The following SAMD4A variants were observed in gnomAD, a reference collection of about 807,000 sequenced individuals.
SAMD4A encodes protein Smaug homolog 1.
A neutral mutation model predicts 81.3 loss-of-function variants in SAMD4A; 33 were observed. The observed-to-expected ratio is 0.41, with a 90% CI of 0.31 to 0.54. SAMD4A has a LOEUF of 0.54. SAMD4A is among the 20% of genes least tolerant of loss of function. SAMD4A has a pLI of 0.37. For synonymous variants in SAMD4A, 389 were observed against 382.1 expected, an observed-to-expected ratio of 1.02 and a Z score of -0.21; for missense variants, 854 against 951.1, an observed-to-expected ratio of 0.90 and a Z score of 1.34.
intron 2 of SAMD4A, among the ~76,000 whole-genome samples, chr14:54,684,444 A>G (rs1219354198): frequency 6.6e-6 from 1 of 152,222 alleles, no homozygotes; most frequent in Non-Finnish European, 1.5e-5. Flanking sequence ...GGGTGAGCCC[A>G]TTGTGGTGCC....
At chr14:54,672,893 G>A (rs1019864758) in intron 2 of SAMD4A, among the ~76,000 whole-genome samples, 8 of 152,222 alleles carry the variant, frequency 5.3e-5, no homozygotes, top group African/African-American at 1.9e-4. Context: ...GACTAAGAGT[G>A]AAATATCACC....
chr14:54,778,569 A>C (rs953173521), intron 11 of SAMD4A, among the ~76,000 whole-genome samples: 2 of 152,202 alleles, frequency 1.3e-5, no homozygotes, highest in African/African-American at 4.8e-5. Context: ...GCAAGTCTCT[A>C]AATAATATGC....
chr14:54,634,111 C>T (rs1356910710), intron 2 of SAMD4A, among the ~76,000 whole-genome samples: 3 of 151,984 alleles, frequency 2.0e-5, no homozygotes, highest in African/African-American at 7.3e-5. Context: ...GATGGTGAAA[C>T]CCTGTCTGTA....
intron 2 of SAMD4A, among the ~76,000 whole-genome samples, chr14:54,672,003 C>G (rs923059189): frequency 3.6e-5 from 5 of 138,714 alleles, no homozygotes; most frequent in Non-Finnish European, 7.6e-5. Context: ...TCTACTGCTT[C>G]CTTTTCTGTT....
chr14:54,570,185 T>G (rs2033088646), intron 2 of SAMD4A, among the ~76,000 whole-genome samples: 1 of 152,198 alleles, frequency 6.6e-6, no homozygotes, highest in South Asian at 2.1e-4. Flanking sequence ...TTTTGTTGTG[T>G]GGCCAGGACA....
chr14:54,722,661 A>C (rs2037292403), intron 3 of SAMD4A, among the ~76,000 whole-genome samples: 1 of 152,188 alleles, frequency 6.6e-6, no homozygotes, highest in African/African-American at 2.4e-5. Context: ...TGATTCCTTA[A>C]CTGATAAAAT....
intron 2 of SAMD4A, among the ~76,000 whole-genome samples, chr14:54,658,204 G>A (rs2358887): frequency 0.37 from 55,828 of 152,012 alleles, 11,190 homozygotes; most frequent in Non-Finnish European, 0.44. Flanking sequence ...CCAGCTACTC[G>A]GGAGGCTGAG....
intron 2 of SAMD4A, among the ~76,000 whole-genome samples, chr14:54,643,210 G>C (rs923834753): frequency 6.6e-6 from 1 of 152,162 alleles, no homozygotes; most frequent in Non-Finnish European, 1.5e-5. Context: ...ATCTAGGTTT[G>C]AAAAAGAACT....
At chr14:54,720,771 C>A (rs558786215) in intron 3 of SAMD4A, among the ~76,000 whole-genome samples, 47 of 152,178 alleles carry the variant, frequency 3.1e-4, no homozygotes, top group African/African-American at 9.2e-4. Context: ...GGCTTAGCAC[C>A]AGGTTCCCCA....
chr14:54,725,759 C>T (rs17127813), intron 3 of SAMD4A, among the ~76,000 whole-genome samples: 3,520 of 152,264 alleles, frequency 0.023, 136 homozygotes, highest in African/African-American at 0.08. Flanking sequence ...AATCACATAA[C>T]GTAGCCTTTG....
intron 2 of SAMD4A, among the ~76,000 whole-genome samples, chr14:54,686,971 G>A (rs951896589): frequency 1.3e-5 from 2 of 152,116 alleles, no homozygotes; most frequent in African/African-American, 2.4e-5. Flanking sequence ...TCCAATCTTT[G>A]TGCTTTCCGG....
chr14:54,774,299 A>G (rs188316551), intron 9 of SAMD4A, among the ~76,000 whole-genome samples: 1 of 152,350 alleles, frequency 6.6e-6, no homozygotes, highest in Admixed American at 6.5e-5. Context: ...TCGAAAAATA[A>G]TGTCGAAGTC....
intron 2 of SAMD4A, among the ~76,000 whole-genome samples, chr14:54,633,034 A>G (rs895795554): frequency 1.3e-5 from 2 of 152,244 alleles, no homozygotes; most frequent in Non-Finnish European, 2.9e-5. Context: ...ATAAATTCTT[A>G]GAAGTAGAAT....
At chr14:54,587,452 TC>T (rs1335668996) in intron 2 of SAMD4A, among the ~76,000 whole-genome samples, 1 of 152,186 alleles carries the variant, frequency 6.6e-6, no homozygotes, top group East Asian at 1.9e-4. Flanking sequence ...AGCTGGGACT[TC>T]CAGTACTATG....
At chr14:54,631,135 C>G (rs1224452528) in intron 2 of SAMD4A, among the ~76,000 whole-genome samples, 1 of 151,980 alleles carries the variant, frequency 6.6e-6, no homozygotes, top group Non-Finnish European at 1.5e-5. Flanking sequence ...TGTCCCAGTT[C>G]AAGGGCAGCC....
intron 2 of SAMD4A, among the ~76,000 whole-genome samples, chr14:54,687,809 T>C (rs1032585166): frequency 2.0e-5 from 3 of 152,140 alleles, no homozygotes; most frequent in Non-Finnish European, 2.9e-5. Flanking sequence ...ATGTAAAATG[T>C]TAAATGTTTG....
rs1456100232 is a variant in SAMD4A at position 54,568,084 on chromosome 14, C to A, written c.168C>A (p.His56Gln). ...EHSLADCAEL[H>Q]VLEREANSPG... ...CGCTGGCCGACTGCGCCGAGCTGCA[C>A]GTCCTCGAACGCGAGGCCAACAGCC... The change falls in exon 2 of 13, where the codon CAC becomes CAA. Residue 56 changes from histidine to glutamine, a missense_variant. This residue lies in a region of SAMD4A where 387 missense variants were observed against 405.8 expected (regional missense o/e 0.95). Transcript: ENST00000554335. 3 of 1,566,620 alleles carry A rather than the reference C, an allele frequency of 1.9e-6. No individual in the cohort carries two copies. Among genetic ancestry groups the A allele is most frequent in the Non-Finnish European group, 1.7e-6 (2 of 1,164,468 alleles).
intron 2 of SAMD4A, among the ~76,000 whole-genome samples, chr14:54,610,179 G>A (rs778893168): frequency 1.6e-4 from 24 of 152,112 alleles, no homozygotes; most frequent in Middle Eastern, 3.2e-3. Context: ...AAATGAACAC[G>A]AGTTTTCGTA....
At chr14:54,784,503 CCTT>C in intron 11 of SAMD4A, 31 bp from the exon 12 acceptor site, 4 of 1,613,734 alleles carry the variant, frequency 2.5e-6, no homozygotes, top group African/African-American at 2.7e-5. Flanking sequence ...CTTATCTCCT[CCTT>C]GTCACCAACA....
Sources: allele counts gnomAD v4.1 joint callset (sites outside exome capture counted in the v4.1 genomes callset), GRCh38; gene constraint gnomAD v4.1.1; regional missense constraint gnomAD v4.1.1; transcripts MANE v1.5; gene names NCBI Gene and HGNC (gene_info 2026-07-23, HGNC 2026-07-21).